ESRRB: variants seen among roughly 807,000 people sequenced by gnomAD.
ESRRB encodes the protein estrogen related receptor beta.
Under a neutral mutation model 46.0 loss-of-function variants are expected in ESRRB, and 16 were observed. The observed-to-expected ratio is 0.35, with a 90% CI of 0.24 to 0.53. The LOEUF (loss-of-function observed/expected upper bound fraction) is 0.53, where lower values mean the gene tolerates loss of function less well. ESRRB is among the 20% of genes least tolerant of loss of function. The pLI, the probability that ESRRB is intolerant of heterozygous loss-of-function variation, is 0.93. For synonymous variants in ESRRB, 246 were observed against 259.6 expected (o/e 0.95, Z 0.50); for missense variants, 488 against 607.4 (o/e 0.80, Z 2.07).
chr14:76,468,596 G>C (rs570487487), intron 3 of ESRRB, among the ~76,000 whole-genome samples: 36 of 152,028 alleles, frequency 2.4e-4, no homozygotes, highest in Non-Finnish European at 4.9e-4. Context: ...TTTGGATAAC[G>C]GTACGGTGGT....
chr14:76,398,234 T>C (rs921538324), intron 1 of ESRRB, among the ~76,000 whole-genome samples: 2 of 152,234 alleles, frequency 1.3e-5, no homozygotes, highest in African/African-American at 4.8e-5. Flanking sequence ...ACTTGCATTT[T>C]CCTCATATTC....
At position 76,482,024 on chromosome 14, in the gene ESRRB, C is replaced by T; in HGVS notation, c.586C>T (p.Leu196Phe). 2 of 1,614,104 alleles carry T rather than the reference C, an allele frequency of 1.2e-6. No homozygotes were observed. The highest frequency in any genetic ancestry group is 8.5e-7 in the Non-Finnish European group (1 of 1,179,948). ...CCTTTCCTCCCCAATAGGTGTGCGC[C>T]TTGATCGAGTGCGTGGAGGCCGTCA... ...KVGMLKEGVRLDRVRGGRQKY... is the reference protein window; with the variant it reads ...KVGMLKEGVRFDRVRGGRQKY... The change falls in exon 4 of 7, where the codon CTT becomes TTT. Residue 196 changes from leucine (L) to phenylalanine (F), a missense_variant. Physicochemically the swap from Leu to Phe is conservative, Grantham distance 22. Coordinates refer to ENST00000644823, the MANE Select transcript of ESRRB (RefSeq NM_001379180.1). The surrounding 1 kb of genome is among the most constrained non-coding windows in gnomAD (Gnocchi z 4.3).
At chr14:76,483,200 C>A (rs149059582) in intron 5 of ESRRB, among the ~76,000 whole-genome samples, 46 of 152,270 alleles carry the variant, frequency 3.0e-4, no homozygotes, top group African/African-American at 1.1e-3. Flanking sequence ...GGAATCAGAT[C>A]GGGATTCCAA....
chr14:76,438,179 G>C (rs867619125), intron 1 of ESRRB, among the ~76,000 whole-genome samples: 1 of 152,142 alleles, frequency 6.6e-6, no homozygotes, highest in South Asian at 2.1e-4. Context: ...TACCAAGCCT[G>C]GACCAGTGGC....
intron 3 of ESRRB, among the ~76,000 whole-genome samples, chr14:76,468,394 C>A (rs532253216): frequency 4.4e-5 from 5 of 114,934 alleles, no homozygotes; most frequent in South Asian, 4.1e-4. Flanking sequence ...CACACTGCCC[C>A]CCCCCCAACA....
intron 1 of ESRRB, among the ~76,000 whole-genome samples, chr14:76,348,883 G>A (rs1429520503): frequency 6.6e-6 from 1 of 152,112 alleles, no homozygotes; most frequent in South Asian, 2.1e-4. Flanking sequence ...CTCCCCCCAA[G>A]AACAGAAACT....
rs1471684951 is a variant in ESRRB, at chr14:76,376,702, G to T, written c.50+251G>T. Among the ~76,000 whole-genome samples the T allele has an allele frequency of 6.6e-6, 1 of 152,140 alleles. No individual in the cohort carries two copies. The highest frequency in any genetic ancestry group is 1.5e-5 in the Non-Finnish European group (1 of 68,026). ...TCAGGCAAGAGTGGCGCTTTCTCATGCACTTTCTCCCTTTCTCTCTCCTCT... is the reference window on the plus strand; with the variant it reads ...TCAGGCAAGAGTGGCGCTTTCTCATTCACTTTCTCCCTTTCTCTCTCCTCT... On this transcript the variant is annotated intron_variant, in intron 1 of 6. Coordinates refer to ENST00000644823, the MANE Select transcript of ESRRB (RefSeq NM_001379180.1). This position sits in a 1 kb window ranked among gnomAD's most constrained non-coding sequence, Gnocchi z 4.1.
intron 1 of ESRRB, among the ~76,000 whole-genome samples, chr14:76,379,351 C>T (rs1884911643): frequency 6.6e-6 from 1 of 152,192 alleles, no homozygotes; most frequent in African/African-American, 2.4e-5. Context: ...GGGGGGCTAT[C>T]TTCCCCACCG....
At position 76,439,684 on chromosome 14, in the gene ESRRB, T is replaced by A; in HGVS notation, c.394T>A (p.Ser132Thr). The A allele has an allele frequency of 6.2e-7, 1 of 1,614,224 alleles. No individual in the cohort carries two copies. ...GTGCCTCGTGTGCGGGGACATTGCCTCTGGCTACCACTACGGCGTGGCCTC... is the reference window on the plus strand; with the variant it reads ...GTGCCTCGTGTGCGGGGACATTGCCACTGGCTACCACTACGGCGTGGCCTC... The part of the protein sequence containing the change: ...RLCLVCGDIA[S>T]GYHYGVASCE... Residue 132 changes from serine (S) to threonine (T), a missense_variant, in exon 2 of 7, where the codon TCT becomes ACT. Ser to Thr is a moderately conservative substitution (Grantham distance 58). Transcript: ENST00000644823.
chr14:76,491,596 C>A lies in ESRRB; in HGVS notation c.1000C>A (p.Arg334Ser). The change falls in exon 6 of 7, where the codon CGC becomes AGC. Residue 334 changes from arginine to serine, a missense_variant. By Grantham distance (110) the Arg-to-Ser change is moderately radical. Coordinates refer to ENST00000644823, the MANE Select transcript of ESRRB (RefSeq NM_001379180.1). ...EDYIMDEEHS[R>S]LAGLLELYRA... Reference sequence around the variant, plus strand: ...CTACATCATGGATGAGGAGCACTCCCGCCTCGCGGGGCTGCTGGAGCTCTA... The same window carrying A: ...CTACATCATGGATGAGGAGCACTCCAGCCTCGCGGGGCTGCTGGAGCTCTA... 1 of 1,587,888 alleles carries A rather than the reference C, an allele frequency of 6.3e-7. No homozygotes were observed.
At chr14:76,424,846 C>T (rs936940142) in intron 1 of ESRRB, among the ~76,000 whole-genome samples, 2 of 152,176 alleles carry the variant, frequency 1.3e-5, no homozygotes, top group African/African-American at 4.8e-5. Flanking sequence ...AAGTGATTCT[C>T]CTGCCTCTGC....
At chr14:76,354,926 G>C (rs1884361784) in intron 1 of ESRRB, among the ~76,000 whole-genome samples, 1 of 151,956 alleles carries the variant, frequency 6.6e-6, no homozygotes, top group South Asian at 2.1e-4. Context: ...GGCCAGGCTG[G>C]TCTCGAACTC....
rs1216223644 is a variant in ESRRB, at chr14:76,422,307, TTC to T, written c.51-17033_51-17032del. Among the ~76,000 whole-genome samples, 19 of 147,418 alleles carry T rather than the reference TTC, an allele frequency of 1.3e-4. 1 individual carries two copies. The Middle Eastern group carries it at 0.022, about 170-fold the overall frequency. On this transcript the variant is annotated intron_variant, in intron 1 of 6. Transcript: ENST00000644823. ...CTCACTGCAACCTCCGCCTCCCGGGTTCAAGCGATTCTCCTGCCTCAGCCTCC... is the reference window on the plus strand; with the variant it reads ...CTCACTGCAACCTCCGCCTCCCGGGTAAGCGATTCTCCTGCCTCAGCCTCC...
At chr14:76,383,043 A>C (rs902683405) in intron 1 of ESRRB, among the ~76,000 whole-genome samples, 2 of 152,238 alleles carry the variant, frequency 1.3e-5, no homozygotes, top group Non-Finnish European at 2.9e-5. Flanking sequence ...TTCTGATTTC[A>C]AATGTGATCA....
chr14:76,496,581 C>T (rs929652698), intron 6 of ESRRB, among the ~76,000 whole-genome samples: 9 of 152,094 alleles, frequency 5.9e-5, no homozygotes, highest in African/African-American at 2.2e-4. Flanking sequence ...AAGGGTTGTG[C>T]GGGAGTGACC....
intron 1 of ESRRB, among the ~76,000 whole-genome samples, chr14:76,332,743 T>TA (rs368211273): frequency 0.1 from 1,824 of 17,492 alleles, 137 homozygotes; most frequent in East Asian, 0.2. Context: ...ATATTATATA[T>TA]TTATATATTA....
At chr14:76,360,945 T>C (rs1884455300) in intron 1 of ESRRB, among the ~76,000 whole-genome samples, 1 of 152,216 alleles carries the variant, frequency 6.6e-6, no homozygotes. Flanking sequence ...GACTGTGAGC[T>C]AACAAGATCC....
chr14:76,350,361 C>T (rs560594088), intron 1 of ESRRB, among the ~76,000 whole-genome samples: 25 of 152,300 alleles, frequency 1.6e-4, no homozygotes, highest in Middle Eastern at 3.4e-3. Context: ...CCCTTGCCCT[C>T]GAGAAGTTTG....
chr14:76,407,777 G>A (rs1028986901), intron 1 of ESRRB, among the ~76,000 whole-genome samples: 1 of 152,236 alleles, frequency 6.6e-6, no homozygotes, highest in African/African-American at 2.4e-5. Context: ...AGAGGTGCTG[G>A]CACTGGGATG....
Sources: allele counts gnomAD v4.1 joint callset (sites outside exome capture counted in the v4.1 genomes callset), GRCh38; gene constraint gnomAD v4.1.1; non-coding constraint Gnocchi (gnomAD v3.1); transcripts MANE v1.5; gene names NCBI Gene and HGNC (gene_info 2026-07-23, HGNC 2026-07-21).